Variants in SLIT3 observed in about 807,000 individuals in gnomAD.
SLIT3 encodes slit guidance ligand 3.
Under a neutral mutation model 184.0 loss-of-function variants are expected in SLIT3, and 68 were observed. The observed-to-expected ratio is 0.37, with a 90% confidence interval of 0.30 to 0.45. SLIT3 has a LOEUF of 0.45. Among genes scored for constraint, SLIT3 ranks in the 20% least tolerant of loss-of-function variants. The pLI, the probability that SLIT3 is intolerant of heterozygous loss-of-function variation, is 1.00. For synonymous variants in SLIT3, 831 were observed against 828.6 expected (o/e 1.00, Z -0.05); for missense variants, 1,707 against 2,026.0 (o/e 0.84, Z 3.02).
intron 20 of SLIT3, among the ~76,000 whole-genome samples, chr5:168,738,695 T>C (rs1362468891): frequency 6.6e-6 from 1 of 152,080 alleles, no homozygotes; most frequent in African/African-American, 2.4e-5. Context: ...TCCCAGCACT[T>C]TGGGAGGCCG....
At chr5:168,997,284 G>A (rs899925325) in intron 4 of SLIT3, among the ~76,000 whole-genome samples, 27 of 152,252 alleles carry the variant, frequency 1.8e-4, no homozygotes, top group Middle Eastern at 3.4e-3. Flanking sequence ...CAAACACTTC[G>A]ACTGAGAATT....
chr5:169,164,230 G>A (rs767925594), intron 4 of SLIT3, among the ~76,000 whole-genome samples: 11 of 152,140 alleles, frequency 7.2e-5, no homozygotes, highest in Non-Finnish European at 1.5e-4. Context: ...TCCCCATCAA[G>A]ACCAGTAAAT....
chr5:168,804,760 C>T (rs148549664), intron 9 of SLIT3, among the ~76,000 whole-genome samples: 61 of 152,292 alleles, frequency 4.0e-4, no homozygotes, highest in African/African-American at 1.2e-3. Context: ...AAAGAAGAAG[C>T]GAAGTCTCCA....
At chr5:168,783,331 A>C (rs977309381) in intron 12 of SLIT3, among the ~76,000 whole-genome samples, 5 of 152,166 alleles carry the variant, frequency 3.3e-5, no homozygotes, top group African/African-American at 1.2e-4. Flanking sequence ...CATTTGCCCA[A>C]AGGAACACAC....
intron 4 of SLIT3, among the ~76,000 whole-genome samples, chr5:169,045,428 GAAA>G (rs5873145): frequency 5.7e-5 from 7 of 123,764 alleles, no homozygotes; most frequent in Admixed American, 8.4e-5. Flanking sequence ...GTCCATGCAG[GAAA>G]AAAAAAAAAA....
At chr5:168,719,366 A>G (rs1384303859) in intron 23 of SLIT3, among the ~76,000 whole-genome samples, 2 of 152,154 alleles carry the variant, frequency 1.3e-5, no homozygotes, top group African/African-American at 2.4e-5. Flanking sequence ...TTCATCTTCA[A>G]CTTTGCCTTC....
intron 3 of SLIT3, among the ~76,000 whole-genome samples, chr5:169,235,753 T>C (rs1180407127): frequency 1.3e-5 from 2 of 152,244 alleles, no homozygotes; most frequent in East Asian, 3.8e-4. Flanking sequence ...AGTTTCTCAA[T>C]AGAGATTTGT....
At chr5:169,177,585 T>G (rs956311975) in intron 4 of SLIT3, among the ~76,000 whole-genome samples, 2 of 152,140 alleles carry the variant, frequency 1.3e-5, no homozygotes, top group African/African-American at 4.8e-5. Flanking sequence ...GAAAGCCTGG[T>G]CAGGTCCTCA....
intron 27 of SLIT3, among the ~76,000 whole-genome samples, chr5:168,697,401 C>T (rs973601778): frequency 6.6e-6 from 1 of 152,170 alleles, no homozygotes; most frequent in Non-Finnish European, 1.5e-5. Flanking sequence ...TCGGTTAGAA[C>T]AGATAAAGGC....
rs114243324 is a variant in SLIT3 at position 169,243,165 on chromosome 5, C to T, written c.341+1540G>A. Among the ~76,000 whole-genome samples the T allele has an allele frequency of 3.3e-3, 506 of 152,254 alleles. 2 individuals carry two copies. Among genetic ancestry groups the T allele is most frequent in the African/African-American group, 0.012 (484 of 41,556 alleles). On this transcript the variant is annotated intron_variant, in intron 3 of 35. Coordinates refer to ENST00000519560, the MANE Select transcript of SLIT3 (RefSeq NM_003062.4). ...TGTAAAACACTGGCATAGTTCCTGG[C>T]ATGTCCAAGGTACTCAATTAGTTCC...
rs544990219 is a variant in SLIT3, at chr5:169,127,895, T to C, written c.413+65584A>G. 5.9e-5 allele frequency among the ~76,000 whole-genome samples: 9 copies of C among 152,284 alleles called. No individual in the cohort carries two copies. In the South Asian group the frequency reaches 1.9e-3, roughly 32 times the overall value. ...CAAAATGGCTCAAAAGCCTTAAAAA[T>C]GTTTATAACATTTGACCCAGTAATC... is the stretch of plus-strand genomic sequence containing the variant. On this transcript the variant is annotated intron_variant, in intron 4 of 35. Transcript: ENST00000519560.
chr5:169,291,565 C>T (rs1281362304), intron 1 of SLIT3, among the ~76,000 whole-genome samples: 1 of 152,166 alleles, frequency 6.6e-6, no homozygotes, highest in Non-Finnish European at 1.5e-5. Context: ...CTTCACGCTC[C>T]AATACAAAGG....
At position 169,244,751 on chromosome 5, in the gene SLIT3, C is replaced by T. The variant is rs372601219; in HGVS notation, c.295G>A (p.Val99Ile). 26 of 1,613,978 alleles carry T rather than the reference C, an allele frequency of 1.6e-5. No individual in the cohort carries two copies. The highest frequency in any genetic ancestry group is 5.0e-5 in the Admixed American group (3 of 60,020). The change falls in exon 3 of 36, where the codon GTC (valine) becomes ATC (isoleucine). Residue 99 changes from valine (V) to isoleucine (I), a missense_variant. Around this residue, in one of 3 missense-constraint regions of SLIT3, gnomAD observed 1,307 missense variants for 1,511.6 expected, o/e 0.86. Coordinates refer to ENST00000519560, the MANE Select transcript of SLIT3 (RefSeq NM_003062.4). ...VLHLEDNQVSVIERGAFQDLK... is the reference protein window; with the variant it reads ...VLHLEDNQVSIIERGAFQDLK... ...TCCTGGAAGGCGCCTCTCTCGATGA[C>T]GCTGACCTGGTTGTCTTCCAGATGC... is the stretch of plus-strand genomic sequence containing the variant.
intron 4 of SLIT3, among the ~76,000 whole-genome samples, chr5:169,180,367 T>C (rs893810747): frequency 1.3e-5 from 2 of 152,172 alleles, no homozygotes; most frequent in Non-Finnish European, 2.9e-5. Context: ...TAGGATGTCT[T>C]CTCAGGACTA....
At chr5:169,238,201 T>C (rs2113566215) in intron 3 of SLIT3, among the ~76,000 whole-genome samples, 1 of 152,326 alleles carries the variant, frequency 6.6e-6, no homozygotes, top group South Asian at 2.1e-4. Flanking sequence ...TATTTTGAAG[T>C]ACTTCTATTG....
chr5:168,799,712 T>TATG lies in SLIT3; in HGVS notation c.936-4137_936-4135dup, dbSNP rs376436370. Reference sequence around the variant, plus strand: ...TTGGTGGTGGTGGTGGTGGTGATAATATGAACATTTACCATTTATTGAGGG... The same window carrying TATG: ...TTGGTGGTGGTGGTGGTGGTGATAATATGATGAACATTTACCATTTATTGAGGG... On this transcript the variant is annotated intron_variant, in intron 9 of 35. Coordinates refer to ENST00000519560, the MANE Select transcript of SLIT3 (RefSeq NM_003062.4). 8.5e-4 allele frequency among the ~76,000 whole-genome samples: 130 copies of TATG among 152,298 alleles called. 2 individuals are homozygous for TATG. The highest frequency in any genetic ancestry group is 3.0e-3 in the African/African-American group (123 of 41,564).
chr5:169,073,260 A>C lies in SLIT3; in HGVS notation c.413+120219T>G, dbSNP rs113528698. 1.2e-3 allele frequency among the ~76,000 whole-genome samples: 177 copies of C among 152,284 alleles called. 1 individual carries two copies. Among genetic ancestry groups the C allele is most frequent in the African/African-American group, 4.2e-3 (173 of 41,548 alleles). ...AGAGGCATTAGCACATTAAAAGAGT[A>C]AGAGGACAATCCTTAGCCCCGCAGG... On this transcript the variant is annotated intron_variant, in intron 4 of 35. Coordinates refer to ENST00000519560, the MANE Select transcript of SLIT3 (RefSeq NM_003062.4).
At chr5:169,111,257 T>C (rs1760398626) in intron 4 of SLIT3, among the ~76,000 whole-genome samples, 1 of 152,228 alleles carries the variant, frequency 6.6e-6, no homozygotes, top group South Asian at 2.1e-4. Flanking sequence ...TGTGAGACTA[T>C]AAATTGCACC....
intron 5 of SLIT3, chr5:168,844,876 T>G (rs1403925415): frequency 4.1e-6 from 2 of 487,532 alleles, no homozygotes; most frequent in East Asian, 6.4e-5. Flanking sequence ...CTGTCAGGTC[T>G]CAGTAAATAT....
Sources: gnomAD v4.1 joint callset for allele counts (sites outside exome capture counted in the v4.1 genomes callset) on GRCh38, gnomAD v4.1.1 for gene constraint, gnomAD v4.1.1 regional missense constraint, MANE v1.5 for transcripts, NCBI Gene and HGNC (gene_info 2026-07-23, HGNC 2026-07-21) for gene names.